The following SMYD3 variants were observed in gnomAD, a reference collection of about 807,000 sequenced individuals.
SMYD3 encodes SET and MYND domain containing 3.
Under a neutral mutation model 57.7 loss-of-function variants are expected in SMYD3, and 36 were observed. That is an observed-to-expected ratio of 0.62 (90% confidence interval 0.48 to 0.82). The LOEUF is 0.82. Among genes scored for constraint, SMYD3 ranks in the 40% least tolerant of loss-of-function variants. The pLI is 0.00. For synonymous variants in SMYD3, 211 were observed against 195.0 expected, an observed-to-expected ratio of 1.08 and a Z score of -0.68; for missense variants, 515 against 538.8, an observed-to-expected ratio of 0.96 and a Z score of 0.44.
intron 5 of SMYD3, among the ~76,000 whole-genome samples, chr1:246,234,442 T>C (rs11588827): frequency 0.059 from 8,967 of 151,798 alleles, 416 homozygotes; most frequent in African/African-American, 0.12. Flanking sequence ...ACATATACCA[T>C]GCAGAGAAGT....
chr1:246,350,228 C>A (rs1297307227), intron 2 of SMYD3, among the ~76,000 whole-genome samples: 1 of 152,204 alleles, frequency 6.6e-6, no homozygotes, highest in East Asian at 1.9e-4. Context: ...ATCATATAAT[C>A]ATGGGCATTT....
intron 5 of SMYD3, among the ~76,000 whole-genome samples, chr1:246,296,800 A>C (rs902266016): frequency 6.6e-6 from 1 of 152,194 alleles, no homozygotes; most frequent in Non-Finnish European, 1.5e-5. Context: ...TATTTAAATA[A>C]ACTCCTATTT....
chr1:245,772,646 G>C (rs997660405), intron 10 of SMYD3, among the ~76,000 whole-genome samples: 2 of 152,050 alleles, frequency 1.3e-5, no homozygotes, highest in African/African-American at 4.8e-5. Flanking sequence ...CTAAGTGACA[G>C]ACAAGACTAT....
chr1:246,455,250 A>T (rs890227290), intron 1 of SMYD3, among the ~76,000 whole-genome samples: 4 of 152,198 alleles, frequency 2.6e-5, no homozygotes, highest in African/African-American at 4.8e-5. Flanking sequence ...CTGTTTTCCA[A>T]TCATTAACTA....
At chr1:245,861,293 T>C (rs1167498075) in intron 9 of SMYD3, among the ~76,000 whole-genome samples, 1 of 152,254 alleles carries the variant, frequency 6.6e-6, no homozygotes, top group Non-Finnish European at 1.5e-5. Flanking sequence ...GCTCTAGACC[T>C]AGCAGGGCTG....
chr1:246,187,052 G>T, intron 5 of SMYD3: 1 of 448,802 alleles, frequency 2.2e-6, no homozygotes, highest in Non-Finnish European at 2.9e-6. Context: ...TGCTGATGGA[G>T]CTCAACTCTG....
intron 5 of SMYD3, among the ~76,000 whole-genome samples, chr1:246,168,635 G>T (rs1344611080): frequency 6.6e-6 from 1 of 152,060 alleles, no homozygotes; most frequent in African/African-American, 2.4e-5. Flanking sequence ...TCTTTGAAAT[G>T]ATTCTTTTTC....
chr1:245,920,673 A>G (rs1176672027), intron 7 of SMYD3, among the ~76,000 whole-genome samples: 2 of 152,252 alleles, frequency 1.3e-5, no homozygotes, highest in African/African-American at 4.8e-5. Flanking sequence ...CTACACATAG[A>G]AAAGTGGTCA....
chr1:246,269,107 A>C (rs2064167153), intron 5 of SMYD3, among the ~76,000 whole-genome samples: 1 of 152,170 alleles, frequency 6.6e-6, no homozygotes, highest in Non-Finnish European at 1.5e-5. Flanking sequence ...TCCCACTGTA[A>C]TCCCACCATA....
At chr1:246,479,552 C>T (rs536455719) in intron 1 of SMYD3, among the ~76,000 whole-genome samples, 33 of 142,878 alleles carry the variant, frequency 2.3e-4, no homozygotes, top group African/African-American at 6.9e-4. Context: ...CTGCCACCCA[C>T]GCTGGAGTGC....
Position 245,983,455 on chromosome 1 carries a change from A to C in SMYD3, c.532-53518T>G, listed in dbSNP as rs533574075. ...AAGAAACGCATTTGATGAGATCAAA[A>C]GTCCAGCACGTGGCCCCCTGGGACC... On this transcript the variant is annotated intron_variant, in intron 5 of 11. Transcript: ENST00000490107. Among the ~76,000 whole-genome samples, 10 of 152,342 alleles carry C rather than the reference A, an allele frequency of 6.6e-5. No homozygotes were observed. In the South Asian group the frequency reaches 2.1e-3, roughly 32 times the overall value.
intron 5 of SMYD3, among the ~76,000 whole-genome samples, chr1:246,137,072 G>A (rs2061676230): frequency 6.6e-6 from 1 of 152,178 alleles, no homozygotes. Flanking sequence ...TTCTGATCAT[G>A]CATATACTAG....
At position 246,489,075 on chromosome 1, in the gene SMYD3, G is replaced by A. The variant is rs1427899470; in HGVS notation, c.164+17979C>T. 6.6e-5 allele frequency among the ~76,000 whole-genome samples: 10 copies of A among 152,126 alleles called. No individual in the cohort carries two copies. The East Asian group carries it at 1.4e-3, about 21-fold the overall frequency. ...TGAAGAAGCAATGCAGGCCGGGCGC[G>A]GTGGTTCACACCTGTAATCCCAGCA... On this transcript the variant is annotated intron_variant, in intron 1 of 11. Transcript: ENST00000490107.
chr1:246,180,219 A>AAT lies in SMYD3; in HGVS notation c.531+146980_531+146981dup, dbSNP rs1553306346. Among the ~76,000 whole-genome samples the AAT allele has an allele frequency of 2.0e-5, 3 of 147,528 alleles. No individual in the cohort carries two copies. The South Asian group carries it at 6.3e-4, about 31-fold the overall frequency. On this transcript the variant is annotated intron_variant, in intron 5 of 11. Transcript: ENST00000490107. The stretch of plus-strand genomic sequence containing the variant: ...AAATATATATACACATATATTAGAA[A>AAT]ATATATATACATATATGTATATTAG...
rs1027288437 is a variant in SMYD3 at position 246,221,175 on chromosome 1, G to A, written c.531+106026C>T. ...CCTCTCTGCTGAGAACTGAACACTC[G>A]TTGGGATGACCTACCAGCAGAGGGG... On this transcript the variant is annotated intron_variant, in intron 5 of 11. Transcript: ENST00000490107. Among the ~76,000 whole-genome samples, 14 of 152,138 alleles carry A rather than the reference G, an allele frequency of 9.2e-5. No individual in the cohort carries two copies. In the East Asian group the frequency reaches 1.4e-3, roughly 15 times the overall value.
intron 10 of SMYD3, among the ~76,000 whole-genome samples, chr1:245,815,856 A>G (rs760670187): frequency 1.4e-4 from 22 of 152,226 alleles, no homozygotes; most frequent in Non-Finnish European, 2.4e-4. Context: ...CCTGCTGGTA[A>G]GAAGCAGAGA....
At chr1:245,816,186 C>T (rs1033315538) in intron 10 of SMYD3, among the ~76,000 whole-genome samples, 1 of 152,134 alleles carries the variant, frequency 6.6e-6, no homozygotes, top group African/African-American at 2.4e-5. Context: ...CCCAAGAAAT[C>T]AAGAATTTTC....
At chr1:245,853,555 T>C (rs2051086364) in intron 10 of SMYD3, among the ~76,000 whole-genome samples, 1 of 152,172 alleles carries the variant, frequency 6.6e-6, no homozygotes. Context: ...CTATAACATG[T>C]ACCCGGCAAG....
At chr1:245,899,194 T>C (rs2054023872) in intron 8 of SMYD3, among the ~76,000 whole-genome samples, 1 of 152,206 alleles carries the variant, frequency 6.6e-6, no homozygotes, top group African/African-American at 2.4e-5. Context: ...TTAATTTTGA[T>C]TGAACTAATG....
Sources: allele counts gnomAD v4.1 joint callset (sites outside exome capture counted in the v4.1 genomes callset), GRCh38; gene constraint gnomAD v4.1.1; transcripts MANE v1.5; gene names NCBI Gene and HGNC (gene_info 2026-07-23, HGNC 2026-07-21).